OBP2A: variants seen among roughly 807,000 people sequenced by gnomAD.
The protein encoded by OBP2A is odorant binding protein 2A.
In OBP2A, 15 loss-of-function variants were observed where a neutral mutation model predicts 21.9. The observed-to-expected ratio is 0.69, with a 90% confidence interval of 0.46 to 1.06. The LOEUF is 1.06. Ranked by LOEUF, OBP2A falls within the 50% of genes least tolerant of loss-of-function variation. OBP2A has a pLI of 0.00. For missense variants in OBP2A, 192 were observed against 220.1 expected, an observed-to-expected ratio of 0.87 and a Z score of 0.81; for synonymous variants, 86 against 91.8, an observed-to-expected ratio of 0.94 and a Z score of 0.36.
At chr9:135,548,459 C>T (rs112982379) in intron 4 of OBP2A, among the ~76,000 whole-genome samples, 1,847 of 152,044 alleles carry the variant, frequency 0.012, 15 homozygotes, top group Non-Finnish European at 0.019. Context: ...CTCACCTGGG[C>T]GGTGGCCGTC....
rs1276070848 is a variant in OBP2A, at chr9:135,549,964, C to G, written c.*129C>G. On this transcript the variant is annotated 3_prime_UTR_variant, in exon 7 of 7. Transcript: ENST00000371776. ...ACCTGACTCCAAATAAAGAGCTTCT[C>G]CCCCAGCTCTGGGCAGGCCTATCTG... 1.4e-6 allele frequency: 2 copies of G among 1,458,136 alleles called. No individual in the cohort carries two copies. The highest frequency in any genetic ancestry group is 2.1e-5 in the Admixed American group (1 of 47,640). 90.3% of individuals were successfully genotyped at this position (1,458,136 alleles called of 1,614,324 possible).
rs552341376 is a variant in OBP2A at position 135,546,966 on chromosome 9, C to T, written c.206+55C>T. The T allele has an allele frequency of 6.9e-6, 11 of 1,604,268 alleles. No individual in the cohort carries two copies. In the East Asian group the frequency reaches 8.9e-5, roughly 13 times the overall value. ...GGCCACTTTCGCTCCCCGCCCCAGA[C>T]CCACCTGGTGCCCATTGCCCCATCC... On this transcript the variant is annotated intron_variant, in intron 2 of 6. Transcript: ENST00000371776.
At chr9:135,547,691 C>CT (rs1276916633) in intron 3 of OBP2A, among the ~76,000 whole-genome samples, 180 bp from the exon 4 acceptor site, 1 of 152,180 alleles carries the variant, frequency 6.6e-6, no homozygotes, top group Non-Finnish European at 1.5e-5. Flanking sequence ...TGGGACCTTC[C>CT]GAGAGGAGGC....
intron 4 of OBP2A, 185 bp from the exon 5 acceptor site, chr9:135,548,522 TC>T: frequency 1.4e-6 from 1 of 740,338 alleles, no homozygotes; most frequent in Admixed American, 3.0e-5. Context: ...AGGCCTCCTC[TC>T]CCCCTTGCCT....
intron 6 of OBP2A, 182 bp from the exon 7 acceptor site, chr9:135,549,654 AC>A (rs1832069504): frequency 2.2e-6 from 1 of 462,136 alleles, no homozygotes; most frequent in Middle Eastern, 5.9e-4. Flanking sequence ...ACTCCCCCCC[AC>A]CCACTCACCA....
At position 135,549,489 on chromosome 9, in the gene OBP2A, T is replaced by C. The variant is rs189881462; in HGVS notation, c.*1+158T>C. On this transcript the variant is annotated intron_variant, in intron 6 of 6. Transcript: ENST00000371776. ...CACCTCAGAGTCTGCCCACCCAAAA[T>C]TCCTGGGACATTCGGGAAGTCCTTT... is the stretch of plus-strand genomic sequence containing the variant. The C allele has an allele frequency of 3.2e-5, 25 of 782,138 alleles. 3 individuals carry two copies. The East Asian group carries it at 6.7e-4, about 21-fold the overall frequency. 48.4% of individuals were successfully genotyped at this position (782,138 alleles called of 1,614,324 possible).
At chr9:135,549,700 G>A (rs1303001571) in intron 6 of OBP2A, 137 bp from the exon 7 acceptor site, 9 of 615,040 alleles carry the variant, frequency 1.5e-5, no homozygotes, top group Non-Finnish European at 2.6e-5. Flanking sequence ...CATTGGAGGA[G>A]CTGAGGCTGC....
chr9:135,547,270 C>T (rs750237306), intron 3 of OBP2A, 22 bp downstream of exon 3: 1 of 1,612,694 alleles, frequency 6.2e-7, no homozygotes, highest in Non-Finnish European at 8.5e-7. Context: ...CCCGACCCCC[C>T]ACTCCCCATG....
chr9:135,548,679 C>G (rs2590500), intron 4 of OBP2A, 29 bp from the exon 5 acceptor site: 708,515 of 1,610,732 alleles, frequency 0.44, 160,178 homozygotes, highest in East Asian at 0.67. Flanking sequence ...CTGTCCCCAC[C>G]TTGGCTCACC....
intron 5 of OBP2A, among the ~76,000 whole-genome samples, chr9:135,549,075 T>TCTGGGCTGCGATGGGGTCTGGGCC (rs2119000565): frequency 2.9e-5 from 1 of 34,546 alleles, no homozygotes; most frequent in Admixed American, 2.7e-4. Context: ...GGCTCCGCGC[T>TCTGGGCTGCGATGGGGTCTGGGCC]CTGGGCTGCG....
In OBP2A at chr9:135,547,154, G is replaced by A. The variant is rs201539170; in HGVS notation, c.207-24G>A. On this transcript the variant is annotated intron_variant, in intron 2 of 6. Coordinates refer to ENST00000371776, the MANE Select transcript of OBP2A (RefSeq NM_014582.3). ...GGCCAGGTGTGTCCTGGGAGCCGCT[G>A]CCCGAGTGTCTCCTGTTTTCCAGGA... The A allele has an allele frequency of 2.7e-3, 4,289 of 1,607,028 alleles. 24 individuals carry two copies. Among genetic ancestry groups the A allele is most frequent in the Non-Finnish European group, 3.2e-3 (3,781 of 1,175,708 alleles).
At chr9:135,546,980 A>T in intron 2 of OBP2A, 69 bp downstream of exon 2, 4 of 1,600,584 alleles carry the variant, frequency 2.5e-6, no homozygotes, top group Non-Finnish European at 3.4e-6. Context: ...CCTGGTGCCC[A>T]TTGCCCCATC....
Position 135,549,887 on chromosome 9 carries a change from C to T in OBP2A, c.*52C>T. 1.3e-6 allele frequency: 2 copies of T among 1,549,086 alleles called. No individual in the cohort carries two copies. ...GCCCACCCTACCACCAGACACAGAGCCCGGACCACCTGGACCTACCCTCCA... is the reference window on the plus strand; with the variant it reads ...GCCCACCCTACCACCAGACACAGAGTCCGGACCACCTGGACCTACCCTCCA... On this transcript the variant is annotated 3_prime_UTR_variant, in exon 7 of 7. Transcript: ENST00000371776.
chr9:135,548,104 G>T lies in OBP2A; in HGVS notation c.388+123G>T, dbSNP rs188055720. The T allele has an allele frequency of 4.4e-6, 3 of 681,568 alleles. No homozygotes were observed. In the Admixed American group the frequency reaches 9.4e-5, roughly 21 times the overall value. 42.2% of individuals were successfully genotyped at this position (681,568 alleles called of 1,614,324 possible). A position where few individuals can be genotyped will look rare whatever the true frequency, so the allele number is the denominator to read the frequency against. Reference sequence around the variant, plus strand: ...GGAAGCCCCCTGCGCCGGCCTTCGTGTGCTAGGCACCAAGCGCTGCCCTGG... The same window carrying T: ...GGAAGCCCCCTGCGCCGGCCTTCGTTTGCTAGGCACCAAGCGCTGCCCTGG... On this transcript the variant is annotated intron_variant, in intron 4 of 6. Transcript: ENST00000371776.
intron 6 of OBP2A, chr9:135,549,629 G>A (rs993897071): frequency 2.0e-5 from 12 of 592,864 alleles, no homozygotes; most frequent in African/African-American, 3.7e-5. Context: ...CCCTGCACCT[G>A]TCCCCACTCG....
Position 135,546,652 on chromosome 9 carries a change from C to A in OBP2A, c.73-126C>A, listed in dbSNP as rs4006717. On this transcript the variant is annotated intron_variant, in intron 1 of 6. Coordinates refer to ENST00000371776, the MANE Select transcript of OBP2A (RefSeq NM_014582.3). The stretch of plus-strand genomic sequence containing the variant: ...TGAGCTCTAACTAAGGTGCAGGAAC[C>A]CAGCCTGCCTTTAGGGGTGGCAGCC... The A allele has an allele frequency of 6.6e-4, 983 of 1,480,274 alleles. 1 individual carries two copies. Among genetic ancestry groups the A allele is most frequent in the African/African-American group, 3.7e-3 (267 of 71,510 alleles). The allele number at this position is 1,480,274 out of a possible 1,614,324, so 91.7% of individuals were successfully genotyped here.
chr9:135,548,216 C>T lies in OBP2A; in HGVS notation c.388+235C>T, dbSNP rs371503515. ...TCGGTGACATGAACCTGCCAAGGGC[C>T]GCTTGTGGGGTCTCAGGTGTAGGGG... is the stretch of plus-strand genomic sequence containing the variant. On this transcript the variant is annotated intron_variant, in intron 4 of 6. Transcript: ENST00000371776. 6.6e-5 allele frequency among the ~76,000 whole-genome samples: 10 copies of T among 152,282 alleles called. No individual in the cohort carries two copies. The South Asian group carries it at 1.4e-3, about 22-fold the overall frequency.
At chr9:135,548,625 G>C (rs114227474) in intron 4 of OBP2A, 83 bp from the exon 5 acceptor site, 1 of 1,591,988 alleles carries the variant, frequency 6.3e-7, no homozygotes, top group African/African-American at 1.3e-5. Context: ...ATGCTGGGCC[G>C]TGGTCGTCTC....
At chr9:135,549,186 G>A in intron 5 of OBP2A, 122 bp from the exon 6 acceptor site, 1 of 627,698 alleles carries the variant, frequency 1.6e-6, no homozygotes, top group Non-Finnish European at 2.8e-6. Flanking sequence ...GCTGCGATGG[G>A]GTCTGGGGCT....
Sources: allele counts gnomAD v4.1 joint callset (sites outside exome capture counted in the v4.1 genomes callset), GRCh38; gene constraint gnomAD v4.1.1; transcripts MANE v1.5; gene names NCBI Gene and HGNC (gene_info 2026-07-23, HGNC 2026-07-21).